AKAP13: variants seen among roughly 807,000 people sequenced by gnomAD.
The protein encoded by AKAP13 is A-kinase anchor protein 13.
Under a neutral mutation model 264.5 loss-of-function variants are expected in AKAP13, and 80 were observed. That is an observed-to-expected ratio of 0.30 (90% CI 0.25 to 0.36). AKAP13 has a LOEUF of 0.36. AKAP13 is among the 10% of genes least tolerant of loss of function. The probability of loss-of-function intolerance (pLI) is 1.00; values close to 1 mark genes in which losing one functional copy is unlikely to be tolerated. For synonymous variants in AKAP13, 1,380 were observed against 1,250.2 expected (o/e 1.10, Z -2.19); for missense variants, 3,712 against 3,435.2 (o/e 1.08, Z -2.01).
Position 85,639,358 on chromosome 15 carries a change from T to C in AKAP13, c.4162-16T>C. 1 of 1,587,806 alleles carries C rather than the reference T, an allele frequency of 6.3e-7. No homozygotes were observed. Among genetic ancestry groups the C allele is most frequent in the Non-Finnish European group, 8.6e-7 (1 of 1,161,236 alleles). On this transcript the variant is annotated splice_polypyrimidine_tract_variant and intron_variant, in intron 8 of 36. Transcript: ENST00000394518. The stretch of plus-strand genomic sequence containing the variant: ...TACTTCAATGTCTGAAACTCTGTGT[T>C]TTCTTTTTCTTTCAGATAAACCGAG...
At chr15:85,740,297 T>G (rs1487594944) in intron 34 of AKAP13, 25 bp downstream of exon 34, 1 of 1,613,074 alleles carries the variant, frequency 6.2e-7, no homozygotes, top group Non-Finnish European at 8.5e-7. Context: ...CTTCCATCCC[T>G]GCGTTTATTT....
chr15:85,528,586 G>A (rs932871798), intron 3 of AKAP13, among the ~76,000 whole-genome samples: 1 of 152,156 alleles, frequency 6.6e-6, no homozygotes, highest in Non-Finnish European at 1.5e-5. Flanking sequence ...CAGGCTTCAA[G>A]GTTGAATGAC....
chr15:85,485,516 T>C (rs751934403), intron 1 of AKAP13, among the ~76,000 whole-genome samples, 194 bp from the exon 2 acceptor site: 2 of 152,234 alleles, frequency 1.3e-5, no homozygotes, highest in African/African-American at 4.8e-5. Flanking sequence ...TTGAAAAGAT[T>C]GAGTCTGGGA....
At chr15:85,433,996 T>C (rs2073145723) in intron 1 of AKAP13, among the ~76,000 whole-genome samples, 1 of 151,336 alleles carries the variant, frequency 6.6e-6, no homozygotes, top group Admixed American at 6.6e-5. Context: ...TAGGAACAGC[T>C]CCGGTCTACA....
intron 5 of AKAP13, among the ~76,000 whole-genome samples, chr15:85,568,556 C>T (rs78715511): frequency 0.016 from 2,475 of 152,118 alleles, 57 homozygotes; most frequent in African/African-American, 0.055. Flanking sequence ...GGTGATGGCC[C>T]GGCAGAAGAG....
intron 3 of AKAP13, among the ~76,000 whole-genome samples, chr15:85,523,571 T>C (rs1438708442): frequency 6.6e-6 from 1 of 152,178 alleles, no homozygotes; most frequent in Non-Finnish European, 1.5e-5. Flanking sequence ...TTCTCACATA[T>C]ATTTTACTTA....
chr15:85,748,160 TG>T lies in AKAP13; in HGVS notation c.*3485del, dbSNP rs2151798767. 1 of 152,328 alleles carries T rather than the reference TG, an allele frequency of 6.6e-6. No individual in the cohort carries two copies. The highest frequency in any genetic ancestry group is 6.5e-5 in the Admixed American group (1 of 15,298). The allele number at this position is 152,328 out of a possible 1,614,324, so 9.4% of individuals were successfully genotyped here. On this transcript the variant is annotated 3_prime_UTR_variant, in exon 37 of 37. Transcript: ENST00000394518. ...TTCCCAAGGATTTTAGTATTTGCAT[TG>T]GAGTTGAGGTTTACTCTAATGATGG...
At chr15:85,615,329 T>G (rs2080887167) in intron 8 of AKAP13, among the ~76,000 whole-genome samples, 1 of 152,232 alleles carries the variant, frequency 6.6e-6, no homozygotes, top group Admixed American at 6.5e-5. Context: ...TTTACCCTTT[T>G]ACTGTCTTGT....
Position 85,747,705 on chromosome 15 carries a change from G to C in AKAP13, c.*3028G>C, listed in dbSNP as rs376666160. 5 of 152,622 alleles carry C rather than the reference G, an allele frequency of 3.3e-5. 2 individuals are homozygous for C. The East Asian group carries it at 9.6e-4, about 29-fold the overall frequency. The allele number at this position is 152,622 out of a possible 1,614,324, so 9.5% of individuals were successfully genotyped here. On this transcript the variant is annotated 3_prime_UTR_variant, in exon 37 of 37. Coordinates refer to ENST00000394518, the MANE Select transcript of AKAP13 (RefSeq NM_007200.5). ...TGTTTTCTTCTTAGAAAATGGAGAG[G>C]GTTAAAAACATGCAAACTGCCACTT...
intron 36 of AKAP13, chr15:85,744,350 C>T: frequency 2.4e-6 from 1 of 421,986 alleles, no homozygotes; most frequent in African/African-American, 2.1e-5. Flanking sequence ...TTGATCTCTC[C>T]TTTCTGTGTG....
chr15:85,464,894 C>T (rs1348871219), intron 1 of AKAP13, among the ~76,000 whole-genome samples: 2 of 152,068 alleles, frequency 1.3e-5, no homozygotes, highest in Non-Finnish European at 2.9e-5. Flanking sequence ...CTGTAGTTTT[C>T]TCCTAAACCT....
rs933798681 is a variant in AKAP13, at chr15:85,477,130, G to C, written c.-11-8580G>C. Reference sequence around the variant, plus strand: ...TAGAACTCCCTAAAGTAAAGGCACTGGTATCCCAAAAGAACTGTTCTAAAA... The same window carrying C: ...TAGAACTCCCTAAAGTAAAGGCACTCGTATCCCAAAAGAACTGTTCTAAAA... On this transcript the variant is annotated intron_variant, in intron 1 of 36. Coordinates refer to ENST00000394518, the MANE Select transcript of AKAP13 (RefSeq NM_007200.5). Among the ~76,000 whole-genome samples, 4 of 151,968 alleles carry C rather than the reference G, an allele frequency of 2.6e-5. No homozygotes were observed. In the East Asian group the frequency reaches 7.7e-4, roughly 29 times the overall value.
chr15:85,738,319 G>C (rs2088691348), intron 33 of AKAP13, among the ~76,000 whole-genome samples: 1 of 151,790 alleles, frequency 6.6e-6, no homozygotes, highest in South Asian at 2.1e-4. Flanking sequence ...TTGAACCCAG[G>C]AGGTGGAGGT....
intron 2 of AKAP13, among the ~76,000 whole-genome samples, chr15:85,520,306 C>T (rs551256103): frequency 6.6e-6 from 1 of 151,864 alleles, no homozygotes; most frequent in Non-Finnish European, 1.5e-5. Flanking sequence ...ACCAACCTGG[C>T]CAACACGGCG....
intron 1 of AKAP13, among the ~76,000 whole-genome samples, chr15:85,464,417 A>C (rs181131475): frequency 6.6e-6 from 1 of 152,326 alleles, no homozygotes; most frequent in East Asian, 1.9e-4. Flanking sequence ...TTTCTTGTAG[A>C]ATATGGATAA....
At chr15:85,517,865 T>A (rs1163043099) in intron 2 of AKAP13, among the ~76,000 whole-genome samples, 3 of 152,162 alleles carry the variant, frequency 2.0e-5, no homozygotes, top group African/African-American at 4.8e-5. Flanking sequence ...CAGGGATACA[T>A]TTCTCACTAA....
intron 5 of AKAP13, among the ~76,000 whole-genome samples, chr15:85,553,607 T>C (rs1296141010): frequency 6.6e-6 from 1 of 152,224 alleles, no homozygotes. Context: ...ATTCTTATAG[T>C]ACATATTTTA....
intron 8 of AKAP13, 92 bp from the exon 9 acceptor site, chr15:85,639,282 G>T: frequency 1.1e-6 from 1 of 908,634 alleles, no homozygotes; most frequent in Admixed American, 2.1e-5. Context: ...GAAAAAGATA[G>T]GAATGTTGGT....
At chr15:85,697,631 C>T (rs540817822) in intron 17 of AKAP13, among the ~76,000 whole-genome samples, 42 of 152,030 alleles carry the variant, frequency 2.8e-4, no homozygotes, top group African/African-American at 7.5e-4. Context: ...AAGAAAAAGA[C>T]GTAACAACTA....
Sources: allele counts gnomAD v4.1 joint callset (sites outside exome capture counted in the v4.1 genomes callset), GRCh38; gene constraint gnomAD v4.1.1; transcripts MANE v1.5; gene names NCBI Gene and HGNC (gene_info 2026-07-23, HGNC 2026-07-21).